CALN1: variants seen among roughly 807,000 people sequenced by gnomAD.
CALN1 encodes the protein calcium-binding protein 8.
In CALN1, 17 loss-of-function variants were observed where a neutral mutation model predicts 30.6. That is an observed-to-expected ratio of 0.56 (90% CI 0.38 to 0.83). The LOEUF (loss-of-function observed/expected upper bound fraction) is 0.83, where lower values mean the gene tolerates loss of function less well. CALN1 is among the 40% of genes least tolerant of loss of function. The pLI is 0.00. For missense variants in CALN1, 291 were observed against 354.9 expected (o/e 0.82, Z 1.45); for synonymous variants, 156 against 131.4 (o/e 1.19, Z -1.28).
At chr7:72,028,347 G>C (rs571727826) in intron 4 of CALN1, among the ~76,000 whole-genome samples, 1 of 152,284 alleles carries the variant, frequency 6.6e-6, no homozygotes, top group East Asian at 1.9e-4. Context: ...GGTCCACATG[G>C]AGCTCTGGGC....
chr7:71,904,100 G>A (rs1794002475), intron 5 of CALN1, among the ~76,000 whole-genome samples: 1 of 152,138 alleles, frequency 6.6e-6, no homozygotes, highest in Non-Finnish European at 1.5e-5. Flanking sequence ...AACTGTTTGT[G>A]GGAATGTACA....
chr7:72,061,234 C>T (rs1027637011), intron 4 of CALN1, among the ~76,000 whole-genome samples: 8 of 152,130 alleles, frequency 5.3e-5, no homozygotes, highest in Admixed American at 3.3e-4. Context: ...GACGATAATA[C>T]AAAATTAATC....
chr7:72,000,620 C>A (rs1799476653), intron 5 of CALN1, among the ~76,000 whole-genome samples: 1 of 152,066 alleles, frequency 6.6e-6, no homozygotes, highest in African/African-American at 2.4e-5. Flanking sequence ...CCATTTTATA[C>A]CATCTCTCCC....
chr7:71,788,652 G>A (rs1484731319), intron 6 of CALN1, among the ~76,000 whole-genome samples: 2 of 150,530 alleles, frequency 1.3e-5, no homozygotes, highest in Non-Finnish European at 3.0e-5. Flanking sequence ...GTGCCACCGT[G>A]CCTAATTATT....
At chr7:72,337,658 G>T (rs924307779) in intron 2 of CALN1, 1 of 152,604 alleles carries the variant, frequency 6.6e-6, no homozygotes, top group Non-Finnish European at 1.5e-5. Context: ...TGAGCCCAGG[G>T]GGAAGGCGGG....
intron 3 of CALN1, among the ~76,000 whole-genome samples, chr7:72,237,738 G>C (rs1318545709): frequency 6.6e-6 from 1 of 152,148 alleles, no homozygotes; most frequent in Non-Finnish European, 1.5e-5. Context: ...GCAAGACAGA[G>C]AGAAACCCTT....
At position 71,946,334 on chromosome 7, in the gene CALN1, G is replaced by A. The variant is rs569987008; in HGVS notation, c.501+77323C>T. The stretch of plus-strand genomic sequence containing the variant: ...AATAATGGTAGCCTAAATTTATGTT[G>A]CCTTACATCTAGCGGGTTCCATTTC... On this transcript the variant is annotated intron_variant, in intron 5 of 6. Transcript: ENST00000395275. Among the ~76,000 whole-genome samples the A allele has an allele frequency of 3.0e-4, 45 of 150,448 alleles. No homozygotes were observed. In the South Asian group the frequency reaches 9.5e-3, roughly 32 times the overall value.
chr7:71,941,013 T>C (rs1796101134), intron 5 of CALN1, among the ~76,000 whole-genome samples: 1 of 152,064 alleles, frequency 6.6e-6, no homozygotes, highest in African/African-American at 2.4e-5. Context: ...CAAGGTTTAA[T>C]AAAAGCCCCC....
the CALN1 span, among the ~76,000 whole-genome samples, chr7:72,488,663 T>C: frequency 6.6e-6 from 1 of 152,050 alleles, no homozygotes; most frequent in South Asian, 2.1e-4. Flanking sequence ...TCAGGAAGAA[T>C]CACAGGCCTG....
At chr7:72,325,641 A>G (rs1186676817) in intron 2 of CALN1, among the ~76,000 whole-genome samples, 2 of 152,188 alleles carry the variant, frequency 1.3e-5, no homozygotes, top group African/African-American at 4.8e-5. Context: ...CTCTGTCTCA[A>G]AAATAAATAA....
At chr7:72,329,462 A>G (rs772420125) in intron 2 of CALN1, among the ~76,000 whole-genome samples, 62 of 152,188 alleles carry the variant, frequency 4.1e-4, no homozygotes, top group Non-Finnish European at 5.3e-4. Flanking sequence ...GGGTGACCCT[A>G]TATGAGCTAG....
At chr7:71,791,752 G>C (rs1178676357) in intron 6 of CALN1, among the ~76,000 whole-genome samples, 1 of 152,192 alleles carries the variant, frequency 6.6e-6, no homozygotes, top group Non-Finnish European at 1.5e-5. Flanking sequence ...GCTCACGCCT[G>C]TAATCTCAGC....
chr7:72,411,499 T>C (rs1222371091), intron 1 of CALN1, among the ~76,000 whole-genome samples: 2 of 152,246 alleles, frequency 1.3e-5, no homozygotes, highest in East Asian at 3.8e-4. Flanking sequence ...ACTCAATTTA[T>C]TTTTGTCTTT....
chr7:72,006,861 A>C (rs1799798368), intron 5 of CALN1, among the ~76,000 whole-genome samples: 1 of 152,002 alleles, frequency 6.6e-6, no homozygotes, highest in African/African-American at 2.4e-5. Context: ...TGCCTCCCAG[A>C]CTCCTAAAAT....
At chr7:72,181,096 A>ACGCC (rs1789756355) in intron 3 of CALN1, among the ~76,000 whole-genome samples, 1 of 74,618 alleles carries the variant, frequency 1.3e-5, no homozygotes, top group Admixed American at 1.4e-4. Flanking sequence ...AAACTGCATA[A>ACGCC]CCCCCCCCCC....
chr7:72,125,796 A>ATTTT (rs779600689), intron 3 of CALN1, among the ~76,000 whole-genome samples: 3 of 93,222 alleles, frequency 3.2e-5, no homozygotes, highest in Non-Finnish European at 4.5e-5. Flanking sequence ...CCACTGTATC[A>ATTTT]TTCTTTTTTT....
chr7:71,994,535 A>AAAAAAAAAAAAAAG (rs1799144778), intron 5 of CALN1, among the ~76,000 whole-genome samples: 1 of 149,150 alleles, frequency 6.7e-6, no homozygotes, highest in African/African-American at 2.5e-5. Context: ...AAAAAAAAAC[A>AAAAAAAAAAAAAAG]GTGATAGTAA....
intron 2 of CALN1, among the ~76,000 whole-genome samples, chr7:72,335,851 G>C (rs1005421488): frequency 6.6e-6 from 1 of 152,162 alleles, no homozygotes; most frequent in African/African-American, 2.4e-5. Context: ...GTCTGGATGG[G>C]GCGTCCCCCG....
In CALN1 at chr7:71,783,695, G is replaced by C. The variant is rs1792837151; in HGVS notation, c.*4080C>G. 1 of 152,664 alleles carries C rather than the reference G, an allele frequency of 6.6e-6. No homozygotes were observed. The highest frequency in any genetic ancestry group is 1.5e-5 in the Non-Finnish European group (1 of 68,052). 9.5% of individuals were successfully genotyped at this position (152,664 alleles called of 1,614,324 possible). A position where few individuals can be genotyped will look rare whatever the true frequency, so the allele number is the denominator to read the frequency against. ...AAACTGTCTTTGATTTATGACCTGA[G>C]TCTGGACTTAAACCGAGTACGAGGC... On this transcript the variant is annotated 3_prime_UTR_variant, in exon 7 of 7. Coordinates refer to ENST00000395275, the MANE Select transcript of CALN1 (RefSeq NM_031468.4).
Sources: allele counts gnomAD v4.1 joint callset (sites outside exome capture counted in the v4.1 genomes callset), GRCh38; gene constraint gnomAD v4.1.1; transcripts MANE v1.5; gene names NCBI Gene and HGNC (gene_info 2026-07-23, HGNC 2026-07-21).